DENND2B: variants seen among roughly 807,000 people sequenced by gnomAD.
DENND2B encodes DENN domain containing 2B.
In DENND2B, 32 loss-of-function variants were observed where a neutral mutation model predicts 116.0. The observed-to-expected ratio is 0.28, with a 90% confidence interval of 0.21 to 0.37. The LOEUF (loss-of-function observed/expected upper bound fraction) is 0.37, where lower values mean the gene tolerates loss of function less well. DENND2B is among the 10% of genes least tolerant of loss of function. The pLI is 1.00. For synonymous variants in DENND2B, 588 were observed against 583.9 expected (o/e 1.01, Z -0.10); for missense variants, 1,276 against 1,477.7 (o/e 0.86, Z 2.24).
intron 3 of DENND2B, among the ~76,000 whole-genome samples, chr11:8,853,379 AAAAGAAAAG>A (rs2063078824): frequency 6.6e-6 from 1 of 152,132 alleles, no homozygotes; most frequent in Admixed American, 6.5e-5. Flanking sequence ...AAACAAAAAG[AAAAGAAAAG>A]AAAGACGCTT....
rs979782881 is a variant in DENND2B at position 8,908,618 on chromosome 11, T to C, written c.-256+2203A>G. Among the ~76,000 whole-genome samples the C allele has an allele frequency of 1.2e-4, 18 of 147,536 alleles. 2 individuals are homozygous for C. Among genetic ancestry groups the C allele is most frequent in the Admixed American group, 1.1e-3 (16 of 14,368 alleles). ...TTGTAAAAGCAGTTAACGGGTATCT[T>C]ATCTACCTCTTCTCTCACTGATTCC... is the stretch of plus-strand genomic sequence containing the variant. On this transcript the variant is annotated intron_variant, in intron 1 of 22. Transcript: ENST00000534127.
intron 4 of DENND2B, among the ~76,000 whole-genome samples, chr11:8,823,486 G>C (rs1034891987): frequency 6.6e-6 from 1 of 152,158 alleles, no homozygotes. Context: ...TTGAATTGTA[G>C]TTCCCATAAT....
intron 5 of DENND2B, 110 bp from the exon 6 acceptor site, chr11:8,715,928 C>T (rs1295453852): frequency 2.4e-5 from 24 of 1,001,116 alleles, no homozygotes; most frequent in East Asian, 1.6e-4. Context: ...CCTGGATCCC[C>T]GCCATCTTGC....
chr11:8,746,461 A>G (rs548089385), intron 2 of DENND2B, among the ~76,000 whole-genome samples: 9 of 152,360 alleles, frequency 5.9e-5, no homozygotes, highest in African/African-American at 2.2e-4. Context: ...CAGAGAATGT[A>G]TCGGGCCTCC....
At chr11:8,896,058 T>A (rs745860128) in intron 1 of DENND2B, among the ~76,000 whole-genome samples, 2 of 152,306 alleles carry the variant, frequency 1.3e-5, no homozygotes, top group Non-Finnish European at 2.9e-5. Context: ...AATCACAGTA[T>A]AACTTACATT....
At chr11:8,714,517 G>T (rs2044360253) in intron 7 of DENND2B, 93 bp downstream of exon 7, 1 of 1,075,864 alleles carries the variant, frequency 9.3e-7, no homozygotes, top group African/African-American at 1.6e-5. Flanking sequence ...TTTCCTGGCA[G>T]GGCTCTACCC....
In DENND2B at chr11:8,707,717, A is replaced by G. The variant is rs1032072855; in HGVS notation, c.2430+60T>C. On this transcript the variant is annotated intron_variant, in intron 12 of 19. Coordinates refer to ENST00000313726, the MANE Select transcript of DENND2B (RefSeq NM_213618.2). The surrounding 1 kb of genome is among the most constrained non-coding windows in gnomAD (Gnocchi z 4.8). ...GTTTTCTCATCTAAGCTGGCTGCAG[A>G]TACTCCTGTGGGAGCTGTCAGCTGG... 1.3e-6 allele frequency: 2 copies of G among 1,520,600 alleles called. No homozygotes were observed. The highest frequency in any genetic ancestry group is 1.8e-6 in the Non-Finnish European group (2 of 1,117,028). The allele number at this position is 1,520,600 out of a possible 1,614,324, so 94.2% of individuals were successfully genotyped here.
At chr11:8,821,206 G>T (rs1470614579) in intron 4 of DENND2B, among the ~76,000 whole-genome samples, 2 of 151,504 alleles carry the variant, frequency 1.3e-5, no homozygotes, top group East Asian at 1.9e-4. Flanking sequence ...CAAACTGGTA[G>T]CAGCAATTTG....
intron 1 of DENND2B, among the ~76,000 whole-genome samples, chr11:8,891,842 A>C (rs1173367510): frequency 6.6e-6 from 1 of 152,212 alleles, no homozygotes; most frequent in Non-Finnish European, 1.5e-5. Flanking sequence ...CGGGACAGAA[A>C]GTTAACAAGG....
intron 4 of DENND2B, chr11:8,718,684 TG>T: frequency 8.3e-7 from 1 of 1,208,240 alleles, no homozygotes; most frequent in Non-Finnish European, 1.0e-6. Flanking sequence ...GGCCAAAGGG[TG>T]GGGGTGAGGG....
intron 2 of DENND2B, among the ~76,000 whole-genome samples, chr11:8,731,668 AG>A (rs2048149113): frequency 6.6e-6 from 1 of 152,188 alleles, no homozygotes; most frequent in Non-Finnish European, 1.5e-5. Context: ...TGGGCAACAT[AG>A]TGAGACTCTG....
chr11:8,891,256 G>A (rs1453961398), intron 1 of DENND2B, among the ~76,000 whole-genome samples: 1 of 152,158 alleles, frequency 6.6e-6, no homozygotes, highest in Non-Finnish European at 1.5e-5. Flanking sequence ...AACATGGAAA[G>A]GAACAACCGG....
chr11:8,886,133 C>A (rs1309213232), intron 1 of DENND2B, among the ~76,000 whole-genome samples: 1 of 151,976 alleles, frequency 6.6e-6, no homozygotes, highest in East Asian at 1.9e-4. Flanking sequence ...CAAGGTCTCA[C>A]CATGTTGTCC....
rs114860071 is a variant in DENND2B at position 8,724,623 on chromosome 11, A to C, written c.1477+1450T>G. 2.7e-3 allele frequency among the ~76,000 whole-genome samples: 411 copies of C among 152,356 alleles called. 1 individual carries two copies. The highest frequency in any genetic ancestry group is 8.9e-3 in the African/African-American group (370 of 41,572). Reference sequence around the variant, plus strand: ...ATTCTATCTTTCATCTGATCTGTGAACACAAGTTTGCCAATACCATGTCTT... The same window carrying C: ...ATTCTATCTTTCATCTGATCTGTGACCACAAGTTTGCCAATACCATGTCTT... On this transcript the variant is annotated intron_variant, in intron 4 of 19. Transcript: ENST00000313726.
intron 1 of DENND2B, among the ~76,000 whole-genome samples, chr11:8,798,884 A>C (rs189021371): frequency 0.012 from 1,814 of 151,126 alleles, 17 homozygotes; most frequent in Middle Eastern, 0.055. Flanking sequence ...CTGGAGTGAA[A>C]CAGCACAATC....
At chr11:8,765,563 A>G (rs2055563193) in intron 1 of DENND2B, among the ~76,000 whole-genome samples, 1 of 152,270 alleles carries the variant, frequency 6.6e-6, no homozygotes, top group Admixed American at 6.5e-5. Context: ...AATGTGGAAC[A>G]GGAAATAAGC....
At chr11:8,910,791 G>C (rs2064313201) in intron 1 of DENND2B, 2 of 152,996 alleles carry the variant, frequency 1.3e-5, no homozygotes, top group Admixed American at 6.6e-5. Flanking sequence ...TAATTTTTTA[G>C]CTCAACAGGA....
chr11:8,697,741 C>G, intron 16 of DENND2B, 105 bp from the exon 17 acceptor site: 1 of 745,236 alleles, frequency 1.3e-6, no homozygotes, highest in Non-Finnish European at 2.4e-6. Flanking sequence ...ATTTATCTCT[C>G]CCAGTAACCC....
chr11:8,749,957 C>T (rs2052048465), intron 2 of DENND2B, among the ~76,000 whole-genome samples: 1 of 152,158 alleles, frequency 6.6e-6, no homozygotes, highest in Non-Finnish European at 1.5e-5. Context: ...TGATCTCATC[C>T]TCAAAAGGGG....
Sources: gnomAD v4.1 joint callset for allele counts (sites outside exome capture counted in the v4.1 genomes callset) on GRCh38, gnomAD v4.1.1 for gene constraint, Gnocchi (gnomAD v3.1) non-coding constraint, MANE v1.5 for transcripts, NCBI Gene and HGNC (gene_info 2026-07-23, HGNC 2026-07-21) for gene names.